Variants in MCU observed in about 807,000 individuals in gnomAD.
MCU encodes mitochondrial calcium uniporter.
In MCU, 12 loss-of-function variants were observed where a neutral mutation model predicts 45.2. The ratio of observed to expected loss-of-function variants is 0.27; its 90% CI spans 0.17 to 0.43. The LOEUF is 0.43. MCU is among the 20% of genes least tolerant of loss of function. The pLI, the probability that MCU is intolerant of heterozygous loss-of-function variation, is 1.00. For missense variants in MCU, 324 were observed against 436.7 expected, an observed-to-expected ratio of 0.74 and a Z score of 2.30; for synonymous variants, 160 against 165.1, an observed-to-expected ratio of 0.97 and a Z score of 0.24.
chr10:72,702,715 G>A (rs905716925), intron 1 of MCU, among the ~76,000 whole-genome samples: 10 of 152,178 alleles, frequency 6.6e-5, no homozygotes, highest in Non-Finnish European at 1.0e-4. Context: ...CAGTGGCTAC[G>A]CCTGTAATCC....
At chr10:72,826,597 ACTGT>A (rs970978251) in intron 1 of MCU, among the ~76,000 whole-genome samples, 1 of 152,176 alleles carries the variant, frequency 6.6e-6, no homozygotes, top group African/African-American at 2.4e-5. Flanking sequence ...GCCAAACTGA[ACTGT>A]CTATCAAAAA....
intron 1 of MCU, among the ~76,000 whole-genome samples, chr10:72,795,287 G>A (rs926933759): frequency 1.3e-5 from 2 of 152,000 alleles, no homozygotes; most frequent in African/African-American, 4.8e-5. Context: ...GGCCCACCCT[G>A]CCTCCACCTG....
chr10:72,803,228 T>A (rs1422359161), intron 1 of MCU, among the ~76,000 whole-genome samples: 1 of 151,996 alleles, frequency 6.6e-6, no homozygotes, highest in Non-Finnish European at 1.5e-5. Context: ...ATTTTTTTTT[T>A]AAGAAATGAT....
In MCU at chr10:72,784,301, C is replaced by T. The variant is rs150583453; in HGVS notation, c.151-50058C>T. 2.0e-3 allele frequency among the ~76,000 whole-genome samples: 301 copies of T among 152,252 alleles called. 2 individuals are homozygous for T. The highest frequency in any genetic ancestry group is 3.0e-3 in the Non-Finnish European group (206 of 68,024). On this transcript the variant is annotated intron_variant, in intron 1 of 7. Transcript: ENST00000373053. ...AGATCCTATCAAATTAATACTGTCA[C>T]GTTTGGAAAATGTTGCTCTGTTTTG...
intron 1 of MCU, among the ~76,000 whole-genome samples, chr10:72,795,736 A>C (rs1844232987): frequency 6.6e-6 from 1 of 152,196 alleles, no homozygotes; most frequent in Non-Finnish European, 1.5e-5. Context: ...ACAGTGGCTT[A>C]TGCCTGTAAT....
chr10:72,778,290 G>C (rs1214976358), intron 1 of MCU, among the ~76,000 whole-genome samples: 1 of 152,116 alleles, frequency 6.6e-6, no homozygotes, highest in Non-Finnish European at 1.5e-5. Flanking sequence ...CCCATCAATG[G>C]ATGAAAGGAT....
At chr10:72,725,718 C>T (rs1488250719) in intron 1 of MCU, among the ~76,000 whole-genome samples, 2 of 152,020 alleles carry the variant, frequency 1.3e-5, no homozygotes, top group African/African-American at 4.8e-5. Context: ...AACCCCATCT[C>T]TACTAAAATA....
At chr10:72,781,048 A>T (rs1843985940) in intron 1 of MCU, among the ~76,000 whole-genome samples, 1 of 152,180 alleles carries the variant, frequency 6.6e-6, no homozygotes, top group South Asian at 2.1e-4. Context: ...GAATTGGAAC[A>T]CTCAAAAAAT....
At chr10:72,790,687 T>G (rs955062176) in intron 1 of MCU, among the ~76,000 whole-genome samples, 1 of 152,188 alleles carries the variant, frequency 6.6e-6, no homozygotes, top group Non-Finnish European at 1.5e-5. Context: ...ACTTATTTAT[T>G]TATAGCTCTG....
At chr10:72,876,921 G>GTT (rs11365046) in intron 6 of MCU, among the ~76,000 whole-genome samples, 9,205 of 134,052 alleles carry the variant, frequency 0.069, 380 homozygotes, top group Middle Eastern at 0.11. Context: ...TCAAATCACA[G>GTT]TTTTTTTTTT....
At chr10:72,720,490 CACTG>C (rs10571052) in intron 1 of MCU, among the ~76,000 whole-genome samples, 8,963 of 152,138 alleles carry the variant, frequency 0.059, 876 homozygotes, top group African/African-American at 0.2. Flanking sequence ...TTTGCAGATC[CACTG>C]ACTATTAGGC....
chr10:72,849,145 G>A (rs1213694250), intron 2 of MCU, among the ~76,000 whole-genome samples: 1 of 151,990 alleles, frequency 6.6e-6, no homozygotes, highest in Admixed American at 6.6e-5. Flanking sequence ...GCCGGGCATG[G>A]TGGCAGGCAC....
chr10:72,792,695 C>T (rs982814743), intron 1 of MCU, among the ~76,000 whole-genome samples: 6 of 129,642 alleles, frequency 4.6e-5, no homozygotes, highest in South Asian at 3.1e-4. Flanking sequence ...AACTCTCCCT[C>T]TCCCCTCCCC....
At chr10:72,748,777 A>G (rs1295474930) in intron 1 of MCU, among the ~76,000 whole-genome samples, 5 of 152,226 alleles carry the variant, frequency 3.3e-5, no homozygotes, top group African/African-American at 1.2e-4. Flanking sequence ...CATGTTTGTT[A>G]CAGTCTCAAG....
At chr10:72,745,097 A>G (rs959504857) in intron 1 of MCU, among the ~76,000 whole-genome samples, 4 of 152,206 alleles carry the variant, frequency 2.6e-5, no homozygotes, top group Non-Finnish European at 4.4e-5. Flanking sequence ...ACCTATTTAT[A>G]AACTCTCAAG....
chr10:72,712,956 A>G (rs1003527973), intron 1 of MCU, among the ~76,000 whole-genome samples: 3 of 152,230 alleles, frequency 2.0e-5, no homozygotes, highest in African/African-American at 7.2e-5. Context: ...CAAGGGAAAC[A>G]CTAATAAATT....
At chr10:72,818,598 G>A (rs1844660686) in intron 1 of MCU, among the ~76,000 whole-genome samples, 1 of 152,130 alleles carries the variant, frequency 6.6e-6, no homozygotes, top group South Asian at 2.1e-4. Flanking sequence ...CCAACACTTT[G>A]GGAGGCCGAG....
intron 1 of MCU, among the ~76,000 whole-genome samples, chr10:72,819,672 G>A (rs1477048962): frequency 6.7e-6 from 1 of 148,578 alleles, no homozygotes; most frequent in Non-Finnish European, 1.5e-5. Flanking sequence ...GAATAATGCA[G>A]TAGACATTGA....
intron 1 of MCU, among the ~76,000 whole-genome samples, chr10:72,751,488 G>A (rs1450537631): frequency 1.3e-5 from 2 of 149,952 alleles, no homozygotes; most frequent in Non-Finnish European, 3.0e-5. Flanking sequence ...CTGAGTAGCT[G>A]GGACTACAGG....
Sources: gnomAD v4.1 joint callset for allele counts (sites outside exome capture counted in the v4.1 genomes callset) on GRCh38, gnomAD v4.1.1 for gene constraint, MANE v1.5 for transcripts, NCBI Gene and HGNC (gene_info 2026-07-23, HGNC 2026-07-21) for gene names.